Variants in AIG1 observed in about 807,000 individuals in gnomAD.
AIG1 encodes the protein androgen induced 1, also known as androgen-induced gene 1 protein.
AIG1 carries 23 observed loss-of-function variants against 31.4 expected under a neutral mutation model. The ratio of observed to expected loss-of-function variants is 0.73; its 90% CI spans 0.53 to 1.04. The LOEUF is 1.04. Ranked by LOEUF, AIG1 falls within the 50% of genes least tolerant of loss-of-function variation. The pLI is 0.00. For missense variants in AIG1, 274 were observed against 295.0 expected (o/e 0.93, Z 0.52); for synonymous variants, 100 against 110.5 (o/e 0.90, Z 0.60).
chr6:143,131,439 C>G (rs553634819), intron 1 of AIG1, among the ~76,000 whole-genome samples: 43 of 152,246 alleles, frequency 2.8e-4, no homozygotes, highest in Admixed American at 7.9e-4. Flanking sequence ...TGAACACTAT[C>G]CAGGTGGGCT....
In AIG1 at chr6:143,292,441, G is replaced by C. The variant is rs967985156; in HGVS notation, c.515+8216G>C. On this transcript the variant is annotated intron_variant, in intron 4 of 5. Transcript: ENST00000357847. The surrounding 1 kb of genome is among the most constrained non-coding windows in gnomAD (Gnocchi z 4.9). ...CAGTGGAGAAAGGACTTGAACTGCC[G>C]TCACTGGCTTTGAAGACAGAGGAAG... 6.6e-6 allele frequency among the ~76,000 whole-genome samples: 1 copy of C among 152,126 alleles called. No individual in the cohort carries two copies.
chr6:143,064,239 A>C (rs566122952), intron 1 of AIG1, among the ~76,000 whole-genome samples: 2 of 152,216 alleles, frequency 1.3e-5, no homozygotes, highest in Non-Finnish European at 2.9e-5. Context: ...GAGTTATCCC[A>C]TTGGGCCCAA....
At chr6:143,153,660 T>A (rs1785457878) in intron 2 of AIG1, among the ~76,000 whole-genome samples, 1 of 152,122 alleles carries the variant, frequency 6.6e-6, no homozygotes, top group East Asian at 1.9e-4. Flanking sequence ...ATTTTTTAAA[T>A]GCATTTATTA....
chr6:143,138,369 G>A (rs1783940572), intron 2 of AIG1, among the ~76,000 whole-genome samples: 1 of 151,992 alleles, frequency 6.6e-6, no homozygotes, highest in Non-Finnish European at 1.5e-5. Context: ...ATTTCCATTA[G>A]CATAAAGCAC....
chr6:143,141,507 C>T (rs1784242481), intron 2 of AIG1, among the ~76,000 whole-genome samples: 1 of 152,112 alleles, frequency 6.6e-6, no homozygotes, highest in African/African-American at 2.4e-5. Context: ...TTCAGCATAA[C>T]CTAGAAGAAA....
chr6:143,194,156 T>G (rs1790025127), intron 3 of AIG1, among the ~76,000 whole-genome samples: 1 of 152,182 alleles, frequency 6.6e-6, no homozygotes, highest in Non-Finnish European at 1.5e-5. Flanking sequence ...GGAAAGAGAT[T>G]TAATTGACTT....
chr6:143,230,659 AATAT>A (rs1326145025), intron 3 of AIG1, among the ~76,000 whole-genome samples: 1 of 151,594 alleles, frequency 6.6e-6, no homozygotes, highest in African/African-American at 2.4e-5. Flanking sequence ...TTTTAATAAT[AATAT>A]ATATGTATCA....
chr6:143,194,450 G>A (rs559162066), intron 3 of AIG1, among the ~76,000 whole-genome samples: 2 of 152,310 alleles, frequency 1.3e-5, no homozygotes, highest in Admixed American at 6.5e-5. Context: ...GGGACACAGA[G>A]CCAAACCAAA....
chr6:143,277,054 A>G (rs1161869122), intron 3 of AIG1, among the ~76,000 whole-genome samples: 1 of 152,178 alleles, frequency 6.6e-6, no homozygotes, highest in African/African-American at 2.4e-5. Context: ...AAAGATTAGG[A>G]TCAGCCAGAG....
intron 3 of AIG1, among the ~76,000 whole-genome samples, chr6:143,269,386 T>C (rs1181737315): frequency 6.6e-6 from 1 of 152,220 alleles, no homozygotes; most frequent in Non-Finnish European, 1.5e-5. Flanking sequence ...ATTGGTACAA[T>C]CATTTGGAAA....
chr6:143,148,682 G>GC (rs1315614556), intron 2 of AIG1, among the ~76,000 whole-genome samples: 1 of 152,002 alleles, frequency 6.6e-6, no homozygotes, highest in Non-Finnish European at 1.5e-5. Flanking sequence ...AAAGTAACCT[G>GC]CTTGGTAGCA....
intron 3 of AIG1, among the ~76,000 whole-genome samples, chr6:143,241,198 G>A (rs1202793970): frequency 6.6e-6 from 1 of 152,156 alleles, no homozygotes; most frequent in Non-Finnish European, 1.5e-5. Flanking sequence ...AAAGGCTCAA[G>A]ACAGCCCTGG....
intron 1 of AIG1, 45 bp downstream of exon 1, chr6:143,061,111 T>C: frequency 6.3e-7 from 1 of 1,582,842 alleles, no homozygotes; most frequent in African/African-American, 1.4e-5. Context: ...CCCGTGCCTG[T>C]GTGTGCGTGT....
intron 3 of AIG1, among the ~76,000 whole-genome samples, chr6:143,260,262 C>T (rs564959446): frequency 3.3e-5 from 5 of 152,170 alleles, no homozygotes; most frequent in Admixed American, 1.3e-4. Context: ...CCGCCCGCGT[C>T]GGCCTCCTGC....
intron 4 of AIG1, among the ~76,000 whole-genome samples, chr6:143,307,718 T>A (rs891318529): frequency 6.6e-6 from 1 of 152,182 alleles, no homozygotes; most frequent in Non-Finnish European, 1.5e-5. Context: ...GGAGAACCAC[T>A]GCTCTCTTCA....
intron 1 of AIG1, among the ~76,000 whole-genome samples, chr6:143,103,641 G>A (rs1432259401): frequency 6.7e-6 from 1 of 150,016 alleles, no homozygotes; most frequent in African/African-American, 2.4e-5. Flanking sequence ...CCGAGTAGCT[G>A]GGACTACAGG....
At chr6:143,278,317 G>A (rs1797086363) in intron 3 of AIG1, among the ~76,000 whole-genome samples, 1 of 152,124 alleles carries the variant, frequency 6.6e-6, no homozygotes, top group African/African-American at 2.4e-5. Context: ...CTTGTGTTTT[G>A]CAAGATAATT....
chr6:143,132,958 A>T (rs1343537279), intron 1 of AIG1, among the ~76,000 whole-genome samples: 1 of 151,572 alleles, frequency 6.6e-6, no homozygotes, highest in African/African-American at 2.4e-5. Context: ...TCTTCCTTTA[A>T]CTTTTTGAAC....
At chr6:143,084,036 T>C (rs1036547417) in intron 1 of AIG1, among the ~76,000 whole-genome samples, 2 of 152,162 alleles carry the variant, frequency 1.3e-5, no homozygotes, top group South Asian at 2.1e-4. Flanking sequence ...CTGGCTGTCA[T>C]AGGACCCCTC....
Sources: allele counts gnomAD v4.1 joint callset (sites outside exome capture counted in the v4.1 genomes callset), GRCh38; gene constraint gnomAD v4.1.1; non-coding constraint Gnocchi (gnomAD v3.1); transcripts MANE v1.5; gene names NCBI Gene and HGNC (gene_info 2026-07-23, HGNC 2026-07-21).